Variants in SEMA6D observed in about 807,000 individuals in gnomAD.
SEMA6D encodes semaphorin-6D.
A neutral mutation model predicts 106.6 loss-of-function variants in SEMA6D; 35 were observed. The ratio of observed to expected loss-of-function variants is 0.33; its 90% CI spans 0.25 to 0.44. SEMA6D has a LOEUF of 0.44. Ranked by LOEUF, SEMA6D falls within the 20% of genes least tolerant of loss-of-function variation. SEMA6D has a pLI of 1.00. For synonymous variants in SEMA6D, 499 were observed against 487.7 expected (o/e 1.02, Z -0.31); for missense variants, 1,185 against 1,345.9 (o/e 0.88, Z 1.87).
intron 1 of SEMA6D, among the ~76,000 whole-genome samples, chr15:47,254,676 T>G (rs62014029): frequency 0.012 from 1,782 of 152,214 alleles, 34 homozygotes; most frequent in Admixed American, 0.012. Context: ...TGAAGTGATC[T>G]TATGGTTTTT....
At chr15:47,254,522 A>G (rs2033695410) in intron 1 of SEMA6D, among the ~76,000 whole-genome samples, 1 of 151,858 alleles carries the variant, frequency 6.6e-6, no homozygotes, top group African/African-American at 2.4e-5. Context: ...TAAAGGGAAA[A>G]GCTAAAAGCT....
At chr15:47,438,197 A>G (rs1211700234) in intron 2 of SEMA6D, among the ~76,000 whole-genome samples, 1 of 152,000 alleles carries the variant, frequency 6.6e-6, no homozygotes, top group Non-Finnish European at 1.5e-5. Context: ...AGAAAATCCT[A>G]TTGACTCCAT....
At chr15:47,656,745 A>G (rs1471342292) in intron 4 of SEMA6D, among the ~76,000 whole-genome samples, 1 of 152,184 alleles carries the variant, frequency 6.6e-6, no homozygotes, top group Admixed American at 6.5e-5. Context: ...TGCACATGAG[A>G]CCCCTTTGCT....
At chr15:47,740,427 G>A (rs973660212) in intron 1 of SEMA6D, among the ~76,000 whole-genome samples, 3 of 152,076 alleles carry the variant, frequency 2.0e-5, no homozygotes, top group Non-Finnish European at 4.4e-5. Context: ...GGCTGAGGCA[G>A]GAGGATCACT....
chr15:47,289,925 C>T (rs1200832822), intron 1 of SEMA6D, among the ~76,000 whole-genome samples: 1 of 151,670 alleles, frequency 6.6e-6, no homozygotes, highest in Non-Finnish European at 1.5e-5. Flanking sequence ...TAACTTCATC[C>T]TGGGAGGACT....
intron 4 of SEMA6D, among the ~76,000 whole-genome samples, chr15:47,657,636 C>G (rs2077822957): frequency 7.1e-6 from 1 of 140,956 alleles, no homozygotes. Context: ...CTTTTTTAAT[C>G]ATAGGATCAA....
intron 3 of SEMA6D, among the ~76,000 whole-genome samples, chr15:47,598,931 C>T (rs1335195688): frequency 4.6e-5 from 7 of 152,082 alleles, no homozygotes; most frequent in African/African-American, 1.7e-4. Context: ...AAACACCTTT[C>T]CACTCAAGGC....
At chr15:47,282,144 C>A (rs1295642221) in intron 1 of SEMA6D, among the ~76,000 whole-genome samples, 2 of 152,128 alleles carry the variant, frequency 1.3e-5, no homozygotes, top group Admixed American at 6.6e-5. Context: ...TAGGTACTCA[C>A]TGAAAACAGG....
intron 3 of SEMA6D, among the ~76,000 whole-genome samples, chr15:47,549,893 A>G (rs896307049): frequency 2.0e-5 from 3 of 152,220 alleles, no homozygotes; most frequent in East Asian, 3.9e-4. Context: ...TAAAGTCCCA[A>G]TACTTGCCTA....
intron 3 of SEMA6D, among the ~76,000 whole-genome samples, chr15:47,546,715 G>A (rs573298411): frequency 8.6e-5 from 13 of 151,874 alleles, no homozygotes; most frequent in Non-Finnish European, 1.5e-4. Context: ...ATGGTGGGGC[G>A]TGTACATTTG....
chr15:47,754,953 A>AT (rs11435743), intron 1 of SEMA6D, among the ~76,000 whole-genome samples: 53,686 of 136,316 alleles, frequency 0.39, 10,788 homozygotes, highest in South Asian at 0.51. Flanking sequence ...TTTGTTGTTG[A>AT]TTTTTTTTTT....
intron 1 of SEMA6D, among the ~76,000 whole-genome samples, chr15:47,368,251 G>T (rs2039134336): frequency 6.6e-6 from 1 of 152,216 alleles, no homozygotes; most frequent in Non-Finnish European, 1.5e-5. Flanking sequence ...TGGATGAGAT[G>T]AAGGCAGCTC....
intron 4 of SEMA6D, among the ~76,000 whole-genome samples, chr15:47,679,718 T>C (rs1486133669): frequency 6.6e-6 from 1 of 152,222 alleles, no homozygotes; most frequent in Non-Finnish European, 1.5e-5. Flanking sequence ...AATTTTGCAG[T>C]GTTGAGACAT....
At chr15:47,723,429 C>G (rs2079540812) in intron 1 of SEMA6D, among the ~76,000 whole-genome samples, 1 of 152,194 alleles carries the variant, frequency 6.6e-6, no homozygotes, top group Non-Finnish European at 1.5e-5. Flanking sequence ...ATTCATTTCC[C>G]TGATCTTGGC....
chr15:47,271,428 G>T (rs1294338010), intron 1 of SEMA6D, among the ~76,000 whole-genome samples: 1 of 152,178 alleles, frequency 6.6e-6, no homozygotes, highest in African/African-American at 2.4e-5. Flanking sequence ...AAAAGTGTGT[G>T]TGTGTGTTGG....
intron 4 of SEMA6D, among the ~76,000 whole-genome samples, chr15:47,686,731 C>T (rs1156558203): frequency 2.6e-5 from 4 of 152,038 alleles, no homozygotes; most frequent in Admixed American, 6.6e-5. Flanking sequence ...TGAATGAACA[C>T]GCAAAAGATA....
intron 1 of SEMA6D, among the ~76,000 whole-genome samples, chr15:47,270,214 T>C (rs1391994702): frequency 6.7e-6 from 1 of 148,958 alleles, no homozygotes; most frequent in Non-Finnish European, 1.5e-5. Context: ...TATGTATATG[T>C]ATATATGTAT....
rs1014582669 is a variant in SEMA6D, at chr15:47,372,423, G to A, written c.-238-39970G>A. On this transcript the variant is annotated intron_variant, in intron 1 of 19. Coordinates refer to the SEMA6D transcript ENST00000558014. The stretch of plus-strand genomic sequence containing the variant: ...TGGACATTCTTTGTTCTTTTTACTT[G>A]CAAAGGTAGAACTGGACCTGATGAA... Among the ~76,000 whole-genome samples, 13 of 152,172 alleles carry A rather than the reference G, an allele frequency of 8.5e-5. 1 individual carries two copies. Among genetic ancestry groups the A allele is most frequent in the African/African-American group, 3.1e-4 (13 of 41,438 alleles).
intron 3 of SEMA6D, among the ~76,000 whole-genome samples, chr15:47,511,436 C>T (rs1460624397): frequency 6.6e-6 from 1 of 152,166 alleles, no homozygotes; most frequent in Middle Eastern, 3.2e-3. Context: ...CATGACTTGA[C>T]CGGGATTGGA....
Sources: gnomAD v4.1 joint callset for allele counts (sites outside exome capture counted in the v4.1 genomes callset) on GRCh38, gnomAD v4.1.1 for gene constraint, MANE v1.5 for transcripts, NCBI Gene and HGNC (gene_info 2026-07-23, HGNC 2026-07-21) for gene names.